PARD3: variants seen among roughly 807,000 people sequenced by gnomAD.
The protein encoded by PARD3 is par-3 family cell polarity regulator, also known as partitioning defective 3 homolog.
Under a neutral mutation model 155.4 loss-of-function variants are expected in PARD3, and 75 were observed. The ratio of observed to expected loss-of-function variants is 0.48; its 90% CI spans 0.40 to 0.58. The LOEUF (loss-of-function observed/expected upper bound fraction) is 0.58. Among genes scored for constraint, PARD3 ranks in the 20% least tolerant of loss-of-function variants. The probability of loss-of-function intolerance (pLI) is 0.00; values close to 1 mark genes in which losing one functional copy is unlikely to be tolerated. For missense variants in PARD3, 1,642 were observed against 1,721.7 expected, an observed-to-expected ratio of 0.95 and a Z score of 0.82; for synonymous variants, 576 against 610.5, an observed-to-expected ratio of 0.94 and a Z score of 0.83.
At chr10:34,229,812 AC>A (rs1952824914) in intron 22 of PARD3, among the ~76,000 whole-genome samples, 1 of 152,060 alleles carries the variant, frequency 6.6e-6, no homozygotes, top group Non-Finnish European at 1.5e-5. Context: ...CAAACAAATA[AC>A]CAAAGGAGAG....
intron 5 of PARD3, among the ~76,000 whole-genome samples, chr10:34,405,729 C>T (rs565409391): frequency 3.9e-4 from 60 of 152,276 alleles, no homozygotes; most frequent in Non-Finnish European, 7.3e-4. Flanking sequence ...AAGAACTATT[C>T]ACAACTCATA....
chr10:34,612,231 T>A (rs1320347902), intron 2 of PARD3, among the ~76,000 whole-genome samples: 2 of 152,136 alleles, frequency 1.3e-5, no homozygotes, highest in Non-Finnish European at 2.9e-5. Context: ...TGTATTTAAT[T>A]GTATGTTTAT....
At chr10:34,792,624 C>T (rs1446525448) in intron 1 of PARD3, among the ~76,000 whole-genome samples, 3 of 152,202 alleles carry the variant, frequency 2.0e-5, no homozygotes, top group Admixed American at 6.5e-5. Flanking sequence ...TACATGTCCC[C>T]CTGTTCTGTC....
At chr10:34,294,513 G>A (rs1200904071) in intron 20 of PARD3, among the ~76,000 whole-genome samples, 1 of 152,164 alleles carries the variant, frequency 6.6e-6, no homozygotes, top group Non-Finnish European at 1.5e-5. Flanking sequence ...TAAAGTTAAG[G>A]TGACCGTCAG....
At chr10:34,723,641 A>G (rs1398907908) in intron 1 of PARD3, among the ~76,000 whole-genome samples, 2 of 152,228 alleles carry the variant, frequency 1.3e-5, no homozygotes, top group Non-Finnish European at 2.9e-5. Flanking sequence ...CAGCTTTATG[A>G]TGTCAGAAGA....
chr10:34,355,103 A>G (rs2134445043), intron 14 of PARD3, among the ~76,000 whole-genome samples: 1 of 152,276 alleles, frequency 6.6e-6, no homozygotes, highest in African/African-American at 2.4e-5. Flanking sequence ...TAGGAAGCTG[A>G]GGCCAAAGGA....
intron 2 of PARD3, among the ~76,000 whole-genome samples, chr10:34,587,673 C>T (rs184724473): frequency 6.6e-6 from 1 of 152,154 alleles, no homozygotes; most frequent in Non-Finnish European, 1.5e-5. Context: ...AAGATATCTA[C>T]AGTCTCAGGA....
chr10:34,119,726 C>G lies in PARD3; in HGVS notation c.3555G>C (p.Pro1185=). ...CCGAGTGTCGCCCGCTCTGCGTCGCCGGCCGTGCGTTCGGCTGGAAGAGGA... is the reference window on the plus strand; with the variant it reads ...CCGAGTGTCGCCCGCTCTGCGTCGCGGGCCGTGCGTTCGGCTGGAAGAGGA... The part of the protein sequence containing the change: ...SFEQPWPNAR[P]ATQSGRHSVS... Residue 1185 remains proline, a synonymous_variant, in exon 24 of 25, where the codon CCG becomes CCC. Coordinates refer to ENST00000374788, the MANE Select transcript of PARD3 (RefSeq NM_001184785.2). 4 of 1,611,430 alleles carry G rather than the reference C, an allele frequency of 2.5e-6. 1 individual carries two copies. In the South Asian group the frequency reaches 4.4e-5, roughly 18 times the overall value.
At chr10:34,427,595 C>A (rs375961801) in intron 5 of PARD3, among the ~76,000 whole-genome samples, 1 of 152,184 alleles carries the variant, frequency 6.6e-6, no homozygotes, top group Non-Finnish European at 1.5e-5. Flanking sequence ...TCCTGCCTTG[C>A]GATCTTTTGT....
chr10:34,684,399 GGTTA>G (rs2093904182), intron 2 of PARD3, among the ~76,000 whole-genome samples: 1 of 151,976 alleles, frequency 6.6e-6, no homozygotes, highest in Non-Finnish European at 1.5e-5. Context: ...ATTTATCTAC[GGTTA>G]GTCCCAAATA....
chr10:34,146,723 G>A (rs1327916499), intron 22 of PARD3, among the ~76,000 whole-genome samples: 1 of 152,168 alleles, frequency 6.6e-6, no homozygotes, highest in East Asian at 1.9e-4. Flanking sequence ...GCTAAAGAGT[G>A]ACCAGCTCCT....
At chr10:34,620,866 C>T (rs991071821) in intron 2 of PARD3, among the ~76,000 whole-genome samples, 1 of 152,186 alleles carries the variant, frequency 6.6e-6, no homozygotes, top group African/African-American at 2.4e-5. Context: ...AGAAAAACCA[C>T]ATATGCACAA....
chr10:34,363,162 T>C (rs1178018497), intron 12 of PARD3, among the ~76,000 whole-genome samples: 2 of 152,230 alleles, frequency 1.3e-5, no homozygotes, highest in Admixed American at 6.5e-5. Context: ...TACATTTCCA[T>C]AACATTTTAC....
At chr10:34,672,375 G>C (rs2093625365) in intron 2 of PARD3, among the ~76,000 whole-genome samples, 1 of 152,126 alleles carries the variant, frequency 6.6e-6, no homozygotes. Flanking sequence ...TTCTAACCAA[G>C]CAGCTACAGG....
At chr10:34,343,070 A>C (rs942136648) in intron 15 of PARD3, among the ~76,000 whole-genome samples, 29 of 152,208 alleles carry the variant, frequency 1.9e-4, no homozygotes, top group African/African-American at 7.0e-4. Flanking sequence ...CCTGTTCAGC[A>C]AAAGTGTCAT....
intron 1 of PARD3, among the ~76,000 whole-genome samples, chr10:34,706,245 CAGAG>C (rs1349973513): frequency 6.6e-6 from 1 of 152,194 alleles, no homozygotes. Context: ...AACTGAGACT[CAGAG>C]AGCATAAATA....
chr10:34,297,165 C>T (rs756589105), intron 20 of PARD3, among the ~76,000 whole-genome samples: 35 of 151,958 alleles, frequency 2.3e-4, no homozygotes, highest in Non-Finnish European at 4.0e-4. Flanking sequence ...TAGCCGGGTA[C>T]GGTGGCGCAC....
intron 2 of PARD3, among the ~76,000 whole-genome samples, chr10:34,546,142 C>T (rs916657477): frequency 2.0e-5 from 3 of 152,070 alleles, no homozygotes; most frequent in Middle Eastern, 3.2e-3. Context: ...CATATAGTAA[C>T]TATTAATATT....
At chr10:34,149,006 TAAG>T (rs1948653981) in intron 22 of PARD3, among the ~76,000 whole-genome samples, 1 of 152,188 alleles carries the variant, frequency 6.6e-6, no homozygotes, top group African/African-American at 2.4e-5. Context: ...TATAAATGTC[TAAG>T]AAGACAGAAA....
Sources: gnomAD v4.1 joint callset for allele counts (sites outside exome capture counted in the v4.1 genomes callset) on GRCh38, gnomAD v4.1.1 for gene constraint, MANE v1.5 for transcripts, NCBI Gene and HGNC (gene_info 2026-07-23, HGNC 2026-07-21) for gene names.